Variants in SLC4A5 observed in about 807,000 individuals in gnomAD.
SLC4A5 encodes solute carrier family 4 member 5.
Under a neutral mutation model 120.4 loss-of-function variants are expected in SLC4A5, and 96 were observed. That is an observed-to-expected ratio of 0.80 (90% CI 0.68 to 0.94). The LOEUF (loss-of-function observed/expected upper bound fraction) is 0.94, where lower values mean the gene tolerates loss of function less well. Among genes scored for constraint, SLC4A5 ranks in the 40% least tolerant of loss-of-function variants. The probability of loss-of-function intolerance (pLI) is 0.00; values close to 1 mark genes in which losing one functional copy is unlikely to be tolerated. For missense variants in SLC4A5, 1,259 were observed against 1,459.5 expected (o/e 0.86, Z 2.24); for synonymous variants, 550 against 571.1 (o/e 0.96, Z 0.53).
chr2:74,264,350 G>C, intron 9 of SLC4A5, 51 bp from the exon 10 acceptor site: 1 of 1,553,356 alleles, frequency 6.4e-7, no homozygotes, highest in Non-Finnish European at 8.7e-7. Context: ...ACAGCTCCAG[G>C]GTATGGAAGT....
At chr2:74,238,519 A>C (rs1670340203) in intron 21 of SLC4A5, among the ~76,000 whole-genome samples, 1 of 152,228 alleles carries the variant, frequency 6.6e-6, no homozygotes, top group Non-Finnish European at 1.5e-5. Context: ...TGATATATAA[A>C]TAAACTAGTG....
rs754572315 is a variant in SLC4A5 at position 74,253,097 on chromosome 2, T to C, written c.1145A>G (p.Asn382Ser). The C allele has an allele frequency of 3.5e-5, 56 of 1,614,016 alleles. No individual in the cohort carries two copies. The highest frequency in any genetic ancestry group is 3.0e-4 in the Admixed American group (18 of 59,998). The change falls in exon 15 of 31, where the codon AAT becomes AGT. Residue 382 changes from asparagine (N) to serine (S), a missense_variant. Transcript: ENST00000394019. ...AATTCCTGCGATCAGATCTTCCCGA[T>C]TGCGGGCTTTGTAGGCCACGTCACT...
intron 24 of SLC4A5, among the ~76,000 whole-genome samples, 179 bp from the exon 25 acceptor site, chr2:74,231,487 G>A (rs142512353): frequency 4.6e-5 from 7 of 152,280 alleles, no homozygotes; most frequent in Middle Eastern, 3.4e-3. Flanking sequence ...GAAGACAGGC[G>A]GCCCCTGACT....
intron 30 of SLC4A5, among the ~76,000 whole-genome samples, chr2:74,220,050 C>T (rs991005444): frequency 6.6e-6 from 1 of 152,236 alleles, no homozygotes; most frequent in Non-Finnish European, 1.5e-5. Flanking sequence ...GATTGATCTT[C>T]TAGACTTGGG....
At chr2:74,341,258 A>G (rs556097501) in intron 2 of SLC4A5, among the ~76,000 whole-genome samples, 1 of 141,644 alleles carries the variant, frequency 7.1e-6, no homozygotes, top group African/African-American at 2.7e-5. Context: ...CGAGCCAATT[A>G]TTGTGCCACT....
intron 4 of SLC4A5, among the ~76,000 whole-genome samples, chr2:74,332,902 C>T (rs1573113492): frequency 6.6e-6 from 1 of 152,160 alleles, no homozygotes; most frequent in Non-Finnish European, 1.5e-5. Flanking sequence ...GCTCCCTGTC[C>T]TCTGGCCTCC....
intron 10 of SLC4A5, 107 bp downstream of exon 10, chr2:74,264,040 C>G: frequency 7.1e-7 from 1 of 1,411,034 alleles, no homozygotes; most frequent in South Asian, 1.5e-5. Flanking sequence ...CCCAGAACAT[C>G]AGAATTTCTC....
chr2:74,320,592 C>T (rs548554088), intron 5 of SLC4A5, among the ~76,000 whole-genome samples: 31 of 152,244 alleles, frequency 2.0e-4, no homozygotes, highest in African/African-American at 6.7e-4. Context: ...CATTTTCAGA[C>T]ATAAACTATC....
At chr2:74,253,057 A>C in exon 15 of SLC4A5, 1 of 1,614,234 alleles carries the variant, frequency 6.2e-7, no homozygotes, top group Non-Finnish European at 8.5e-7. Flanking sequence ...CGATGACCTC[A>C]TCCAGAAATT....
At chr2:74,297,175 T>C (rs1251987763) in intron 7 of SLC4A5, among the ~76,000 whole-genome samples, 1 of 151,132 alleles carries the variant, frequency 6.6e-6, no homozygotes, top group Non-Finnish European at 1.5e-5. Flanking sequence ...ATCAAACAAA[T>C]GCCCACTTTA....
intron 7 of SLC4A5, among the ~76,000 whole-genome samples, chr2:74,287,070 C>T (rs528114891): frequency 3.3e-5 from 5 of 152,292 alleles, no homozygotes; most frequent in African/African-American, 7.2e-5. Context: ...CTGCCCTGCC[C>T]CGACGCAATC....
At chr2:74,219,209 GTGTGTGTGTGTT>G (rs766539114) in intron 30 of SLC4A5, among the ~76,000 whole-genome samples, 4,930 of 120,334 alleles carry the variant, frequency 0.041, 83 homozygotes, top group African/African-American at 0.062. Context: ...GTGTGTGTGT[GTGTGTGTGTGTT>G]TGTGTGTGTT....
intron 29 of SLC4A5, among the ~76,000 whole-genome samples, chr2:74,222,457 C>T (rs112282244): frequency 6.6e-6 from 1 of 152,156 alleles, no homozygotes; most frequent in African/African-American, 2.4e-5. Context: ...CGCAGGGGTC[C>T]TCAGCTCCCA....
intron 19 of SLC4A5, among the ~76,000 whole-genome samples, chr2:74,246,739 G>A (rs911435857): frequency 3.3e-5 from 5 of 152,180 alleles, no homozygotes; most frequent in African/African-American, 1.2e-4. Context: ...ACCCCTGAGT[G>A]GCACTCCTGA....
rs375444713 is a variant in SLC4A5, at chr2:74,290,285, G to A, written c.272-4383C>T. ...CTGAGCGCTGGGGTCCCTGGCTGTC[G>A]ATGCTGCCTCTGGCCCCAGCCTGCT... On this transcript the variant is annotated intron_variant, in intron 7 of 30. Transcript: ENST00000394019. The A allele has an allele frequency of 7.5e-5, 74 of 985,520 alleles. No individual in the cohort carries two copies. In the East Asian group the frequency reaches 6.6e-3, roughly 88 times the overall value. 61.0% of individuals were successfully genotyped at this position (985,520 alleles called of 1,614,324 possible).
chr2:74,264,386 G>A, intron 9 of SLC4A5, 87 bp from the exon 10 acceptor site: 1 of 1,451,606 alleles, frequency 6.9e-7, no homozygotes, highest in Non-Finnish European at 9.3e-7. Context: ...TTATTAGTGG[G>A]ATTAAATGTG....
Position 74,255,829 on chromosome 2 carries a change from C to T in SLC4A5, c.971G>A (p.Arg324His), listed in dbSNP as rs745796881. Residue 324 changes from arginine (R) to histidine (H), a missense_variant, in exon 13 of 31, where the codon CGC (arginine) becomes CAC (histidine). Coordinates refer to ENST00000394019, the Ensembl canonical transcript of SLC4A5. The surrounding 1 kb of genome is among the most constrained non-coding windows in gnomAD (Gnocchi z 4.0). ...TCCCAGCATGGCCGACTGGATGAGG[C>T]GCACGAACGCGATGAATGGCTGGTC... is the stretch of plus-strand genomic sequence containing the variant. The T allele has an allele frequency of 7.4e-6, 12 of 1,614,170 alleles. No homozygotes were observed. Among genetic ancestry groups the T allele is most frequent in the Non-Finnish European group, 9.3e-6 (11 of 1,180,028 alleles).
intron 8 of SLC4A5, among the ~76,000 whole-genome samples, chr2:74,266,227 C>T (rs1246408651): frequency 1.3e-5 from 2 of 152,110 alleles, no homozygotes; most frequent in Non-Finnish European, 2.9e-5. Context: ...GACAAGGGAT[C>T]AGTGGCACAA....
intron 8 of SLC4A5, among the ~76,000 whole-genome samples, chr2:74,282,958 A>C (rs1226372640): frequency 6.6e-6 from 1 of 152,188 alleles, no homozygotes; most frequent in Non-Finnish European, 1.5e-5. Flanking sequence ...CAGAGGTGTT[A>C]AGACATAATA....
Sources: allele counts gnomAD v4.1 joint callset (sites outside exome capture counted in the v4.1 genomes callset), GRCh38; gene constraint gnomAD v4.1.1; non-coding constraint Gnocchi (gnomAD v3.1); transcripts MANE v1.5; gene names NCBI Gene and HGNC (gene_info 2026-07-23, HGNC 2026-07-21).